Variants in NBR1 observed in about 807,000 individuals in gnomAD.
The protein encoded by NBR1 is NBR1 autophagy cargo receptor, also known as next to BRCA1 gene 1 protein.
A neutral mutation model predicts 115.5 loss-of-function variants in NBR1; 59 were observed. The observed-to-expected ratio is 0.51, with a 90% CI of 0.41 to 0.63. The LOEUF (loss-of-function observed/expected upper bound fraction) is 0.63, where lower values mean the gene tolerates loss of function less well. Ranked by LOEUF, NBR1 falls within the 30% of genes least tolerant of loss-of-function variation. NBR1 has a pLI of 0.00. For synonymous variants in NBR1, 373 were observed against 414.7 expected, an observed-to-expected ratio of 0.90 and a Z score of 1.22; for missense variants, 1,043 against 1,150.5, an observed-to-expected ratio of 0.91 and a Z score of 1.35.
chr17:43,182,060 A>T (rs898787715), intron 5 of NBR1, among the ~76,000 whole-genome samples: 3 of 150,518 alleles, frequency 2.0e-5, no homozygotes, highest in Non-Finnish European at 4.4e-5. Context: ...TTGCTATGTT[A>T]CCCAGGCCAG....
chr17:43,193,047 C>T (rs748653369), intron 10 of NBR1, 47 bp from the exon 11 acceptor site: 15 of 1,592,892 alleles, frequency 9.4e-6, no homozygotes, highest in South Asian at 4.5e-5. Context: ...TATTCAGAAG[C>T]CTTCACACCC....
Position 43,203,543 on chromosome 17 carries a change from G to GA in NBR1, c.2622-135dup, listed in dbSNP as rs1475646292. ...GATCTGTAGCTATAAAGCTGATAAT[G>GA]AAAGCAATTGTGTTCTCTTTTTCCA... is the stretch of plus-strand genomic sequence containing the variant. On this transcript the variant is annotated intron_variant, in intron 19 of 20. Coordinates refer to ENST00000590996, the MANE Select transcript of NBR1 (RefSeq NM_005899.5). The GA allele has an allele frequency of 1.2e-5, 7 of 572,224 alleles. No individual in the cohort carries two copies. The East Asian group carries it at 1.8e-4, about 14-fold the overall frequency. The allele number at this position is 572,224 out of a possible 1,614,324, so 35.4% of individuals were successfully genotyped here. A position where few individuals can be genotyped will look rare whatever the true frequency, so the allele number is the denominator to read the frequency against.
At position 43,200,270 on chromosome 17, in the gene NBR1, T is replaced by G. The variant is rs559191362; in HGVS notation, c.2130T>G (p.Asp710Glu). Residue 710 changes from aspartate (D) to glutamate (E), a missense_variant, in exon 17 of 21, where the codon GAT (aspartate) becomes GAG (glutamate). Coordinates refer to ENST00000590996, the MANE Select transcript of NBR1 (RefSeq NM_005899.5). Reference sequence around the variant, plus strand: ...TGGAGGAGGAGGAGGATGAGGAGGATGAGGAGGAGGAGGATGAGCTCAAAG... The same window carrying G: ...TGGAGGAGGAGGAGGATGAGGAGGAGGAGGAGGAGGAGGATGAGCTCAAAG... ...AVMEEEEDEE[D>E]EEEEDELKDE... is the part of the protein sequence containing the mutation. The G allele has an allele frequency of 2.8e-5, 44 of 1,550,648 alleles. No homozygotes were observed. The highest frequency in any genetic ancestry group is 1.6e-4 in the African/African-American group (12 of 73,098).
chr17:43,202,534 A>G (rs1416220572), intron 18 of NBR1, 121 bp from the exon 19 acceptor site: 4 of 631,202 alleles, frequency 6.3e-6, no homozygotes, highest in Non-Finnish European at 1.1e-5. Flanking sequence ...AAAAAAAAAA[A>G]AAAAAGACTT....
rs1294412307 is a variant in NBR1 at position 43,204,165 on chromosome 17, C to T, written c.2727+379C>T. Among the ~76,000 whole-genome samples, 9 of 152,014 alleles carry T rather than the reference C, an allele frequency of 5.9e-5. No individual in the cohort carries two copies. The East Asian group carries it at 7.8e-4, about 13-fold the overall frequency. On this transcript the variant is annotated intron_variant, in intron 20 of 20. Transcript: ENST00000590996. Reference sequence around the variant, plus strand: ...GTGTTAGCCAGGATGGTCTCAATCTCGTGACTTCATGATCTTCCCGCTTCA... The same window carrying T: ...GTGTTAGCCAGGATGGTCTCAATCTTGTGACTTCATGATCTTCCCGCTTCA...
intron 17 of NBR1, among the ~76,000 whole-genome samples, chr17:43,201,356 G>A (rs1308936849): frequency 6.6e-6 from 1 of 152,160 alleles, no homozygotes; most frequent in Non-Finnish European, 1.5e-5. Flanking sequence ...AATCATTCTT[G>A]TCTCCTAATA....
chr17:43,179,735 T>C lies in NBR1; in HGVS notation c.184+323T>C, dbSNP rs78072008. On this transcript the variant is annotated intron_variant, in intron 4 of 20. Coordinates refer to ENST00000590996, the MANE Select transcript of NBR1 (RefSeq NM_005899.5). ...GTTTCTGACTTGGTATATATGTTAA[T>C]ATCAACTTATAAAACAAGTGGTATT... 2.5e-4 allele frequency among the ~76,000 whole-genome samples: 38 copies of C among 152,364 alleles called. 1 individual carries two copies. The East Asian group carries it at 6.9e-3, about 28-fold the overall frequency.
At chr17:43,194,724 G>A (rs573919977) in intron 13 of NBR1, 3 of 627,360 alleles carry the variant, frequency 4.8e-6, no homozygotes, top group East Asian at 5.7e-5. Context: ...ACTCCCTTTA[G>A]TTGCCTCTTC....
rs1339986836 is a variant in NBR1 at position 43,179,376 on chromosome 17, C to T, written c.166-18C>T. ...ATGAGACACTTATAATTCACTGTTG[C>T]TTTTTTTCCTTTTATAGGTATCCAT... is the stretch of plus-strand genomic sequence containing the variant. On this transcript the variant is annotated intron_variant, in intron 3 of 20. Coordinates refer to ENST00000590996, the MANE Select transcript of NBR1 (RefSeq NM_005899.5). The T allele has an allele frequency of 6.2e-7, 1 of 1,610,760 alleles. No homozygotes were observed. Among genetic ancestry groups the T allele is most frequent in the Middle Eastern group, 1.6e-4 (1 of 6,072 alleles).
intron 6 of NBR1, among the ~76,000 whole-genome samples, chr17:43,187,046 C>T (rs923738899): frequency 3.9e-5 from 6 of 152,184 alleles, no homozygotes; most frequent in East Asian, 1.9e-4. Flanking sequence ...GTAATGGGAT[C>T]GCTGGGTCAA....
At chr17:43,189,919 G>T in intron 8 of NBR1, 117 bp downstream of exon 8, 1 of 839,410 alleles carries the variant, frequency 1.2e-6, no homozygotes, top group Non-Finnish European at 1.9e-6. Flanking sequence ...ATTAGATGTT[G>T]TAGCTGTGAG....
chr17:43,196,518 T>C lies in NBR1; in HGVS notation c.1788T>C (p.Ser596=). 1 of 1,601,102 alleles carries C rather than the reference T, an allele frequency of 6.2e-7. No homozygotes were observed. ...TPCMSPLPHD[S]PLIEKPGLGQ... ...GCATGTCTCCTCTGCCACATGACAGTCCTTTAATAGAGAAGCCAGGCTTGG... is the reference window on the plus strand; with the variant it reads ...GCATGTCTCCTCTGCCACATGACAGCCCTTTAATAGAGAAGCCAGGCTTGG... Residue 596 remains serine, a synonymous_variant, in exon 15 of 21, where the codon AGT becomes AGC. Transcript: ENST00000590996.
intron 5 of NBR1, 93 bp downstream of exon 5, chr17:43,180,910 C>T: frequency 1.7e-6 from 2 of 1,168,266 alleles, no homozygotes; most frequent in Non-Finnish European, 2.2e-6. Context: ...TGTGCTCTGT[C>T]ATCCAGGCTG....
chr17:43,183,308 C>T (rs1198762499), intron 5 of NBR1, among the ~76,000 whole-genome samples: 1 of 151,736 alleles, frequency 6.6e-6, no homozygotes, highest in Non-Finnish European at 1.5e-5. Flanking sequence ...GTAACCTCCA[C>T]CTCCCGGGTT....
At chr17:43,191,288 A>G (rs1290481490) in intron 9 of NBR1, 84 bp from the exon 10 acceptor site, 13 of 933,822 alleles carry the variant, frequency 1.4e-5, no homozygotes, top group Non-Finnish European at 2.0e-5. Context: ...GGAAGCTGAC[A>G]CTGATGGAAA....
intron 5 of NBR1, among the ~76,000 whole-genome samples, chr17:43,184,691 G>A (rs12948939): frequency 0.011 from 1,691 of 152,036 alleles, 38 homozygotes; most frequent in African/African-American, 0.039. Flanking sequence ...TATTGGAAAA[G>A]TAAATGCTTA....
intron 13 of NBR1, 196 bp downstream of exon 13, chr17:43,194,695 A>G (rs1049787464): frequency 1.2e-5 from 8 of 678,720 alleles, no homozygotes; most frequent in Non-Finnish European, 2.0e-5. Flanking sequence ...TGGGAACTCA[A>G]TCCTGTACTT....
chr17:43,208,703 C>A (rs1449201504), intron 20 of NBR1, among the ~76,000 whole-genome samples: 1 of 152,150 alleles, frequency 6.6e-6, no homozygotes, highest in Non-Finnish European at 1.5e-5. Context: ...AGGTGGCTCA[C>A]ATCTATAATC....
Position 43,210,919 on chromosome 17 carries a change from T to A in NBR1, c.*845T>A, listed in dbSNP as rs904846544. 6 of 390,528 alleles carry A rather than the reference T, an allele frequency of 1.5e-5. No individual in the cohort carries two copies. The highest frequency in any genetic ancestry group is 2.7e-5 in the Non-Finnish European group (6 of 222,120). 24.2% of individuals were successfully genotyped at this position (390,528 alleles called of 1,614,324 possible). On this transcript the variant is annotated 3_prime_UTR_variant, in exon 21 of 21. Transcript: ENST00000590996. ...TTTTTCTTAATGTCAGGGCAGATCT[T>A]ATTTTACAGTACAGTGGGGGAAATA...
Sources: allele counts gnomAD v4.1 joint callset (sites outside exome capture counted in the v4.1 genomes callset), GRCh38; gene constraint gnomAD v4.1.1; transcripts MANE v1.5; gene names NCBI Gene and HGNC (gene_info 2026-07-23, HGNC 2026-07-21).